The following PCNX1 variants were observed in gnomAD, a reference collection of about 807,000 sequenced individuals.
PCNX1 encodes pecanex 1.
A neutral mutation model predicts 242.2 loss-of-function variants in PCNX1; 78 were observed. The ratio of observed to expected loss-of-function variants is 0.32; its 90% CI spans 0.27 to 0.39. The LOEUF is 0.39. PCNX1 is among the 10% of genes least tolerant of loss of function. The pLI is 1.00. For synonymous variants in PCNX1, 1,024 were observed against 1,032.9 expected (o/e 0.99, Z 0.17); for missense variants, 2,581 against 2,856.5 (o/e 0.90, Z 2.20).
intron 1 of PCNX1, among the ~76,000 whole-genome samples, chr14:70,935,284 T>C (rs561787978): frequency 6.6e-6 from 1 of 152,342 alleles, no homozygotes; most frequent in East Asian, 1.9e-4. Flanking sequence ...CAGTGTCTCA[T>C]GCCTGTAATC....
chr14:71,071,365 T>C (rs1174986406), intron 26 of PCNX1, among the ~76,000 whole-genome samples: 1 of 152,202 alleles, frequency 6.6e-6, no homozygotes, highest in African/African-American at 2.4e-5. Flanking sequence ...GGCCTAACTT[T>C]TGGCCCATCC....
At chr14:70,980,501 G>C (rs927133122) in intron 6 of PCNX1, among the ~76,000 whole-genome samples, 3 of 152,028 alleles carry the variant, frequency 2.0e-5, no homozygotes, top group Admixed American at 1.3e-4. Context: ...CATTGCACAG[G>C]CTTTTTTAAT....
At chr14:71,057,202 T>C (rs1032692782) in intron 25 of PCNX1, among the ~76,000 whole-genome samples, 2 of 152,232 alleles carry the variant, frequency 1.3e-5, no homozygotes, top group Non-Finnish European at 2.9e-5. Context: ...TTATAAAGCA[T>C]ATTTTATTGA....
At chr14:71,056,315 A>G (rs999122988) in intron 25 of PCNX1, among the ~76,000 whole-genome samples, 3 of 152,208 alleles carry the variant, frequency 2.0e-5, no homozygotes, top group Admixed American at 6.5e-5. Context: ...CATCGTCATC[A>G]TGTTCTGGTA....
Position 71,036,113 on chromosome 14 carries a change from C to T in PCNX1, c.3823C>T (p.Leu1275=). ...GGTAGTATGCATTGTAATTGGTGTG[C>T]TGTATTTTGCTATTCATGTAAGCAC... ...DLVVCIVIGV[L]YFAIHVSTVF... The change falls in exon 19 of 36, where the codon CTG becomes TTG. Residue 1275 remains leucine, a synonymous_variant. Transcript: ENST00000304743. 1.2e-6 allele frequency: 2 copies of T among 1,608,460 alleles called. No individual in the cohort carries two copies. Among genetic ancestry groups the T allele is most frequent in the East Asian group, 2.2e-5 (1 of 44,840 alleles).
rs149272790 is a variant in PCNX1 at position 71,074,448 on chromosome 14, C to T, written c.5106+650C>T. On this transcript the variant is annotated intron_variant, in intron 27 of 35. Transcript: ENST00000304743. ...CACTCATGTTACTACAGTAGAAGGA[C>T]ACAGATTAAAATCAGCCAAAGGAAG... is the stretch of plus-strand genomic sequence containing the variant. Among the ~76,000 whole-genome samples the T allele has an allele frequency of 8.9e-3, 1,356 of 152,292 alleles. 9 individuals carry two copies. Among genetic ancestry groups the T allele is most frequent in the South Asian group, 0.017 (81 of 4,822 alleles).
chr14:71,096,448 G>A (rs1299094361), intron 30 of PCNX1, among the ~76,000 whole-genome samples: 3 of 152,182 alleles, frequency 2.0e-5, no homozygotes, highest in Non-Finnish European at 4.4e-5. Flanking sequence ...TCCAGCTTGG[G>A]TGACAAAGTG....
intron 1 of PCNX1, among the ~76,000 whole-genome samples, chr14:70,910,229 T>TTCTCCTCCTTCTC (rs2055833620): frequency 1.4e-5 from 1 of 69,488 alleles, no homozygotes; most frequent in African/African-American, 5.3e-5. Flanking sequence ...CTCCTCCTCC[T>TTCTCCTCCTTCTC]CTCACCAGCA....
chr14:71,096,743 A>G (rs746104319), intron 30 of PCNX1, among the ~76,000 whole-genome samples: 24 of 152,212 alleles, frequency 1.6e-4, no homozygotes, highest in Non-Finnish European at 3.5e-4. Flanking sequence ...TCTTAGATCA[A>G]GTGGTCTAGA....
intron 18 of PCNX1, among the ~76,000 whole-genome samples, chr14:71,035,576 A>G (rs1384564053): frequency 6.6e-6 from 1 of 151,104 alleles, no homozygotes; most frequent in Non-Finnish European, 1.5e-5. Flanking sequence ...CCTGGCCAAC[A>G]TGGTGAAACC....
At chr14:70,914,917 A>T (rs2056088113) in intron 1 of PCNX1, among the ~76,000 whole-genome samples, 1 of 152,054 alleles carries the variant, frequency 6.6e-6, no homozygotes, top group East Asian at 1.9e-4. Flanking sequence ...GTCACTCCAG[A>T]TAGTTTCTGC....
In PCNX1 at chr14:70,978,289, A is replaced by G. The variant is rs1323606408; in HGVS notation, c.1952A>G (p.Glu651Gly). The G allele has an allele frequency of 1.2e-6, 2 of 1,614,104 alleles. No homozygotes were observed. The highest frequency in any genetic ancestry group is 3.3e-5 in the Admixed American group (2 of 60,010). The change falls in exon 6 of 36, where the codon GAA (glutamate) becomes GGA (glycine). Residue 651 changes from glutamate (E) to glycine (G), a missense_variant. Coordinates refer to ENST00000304743, the MANE Select transcript of PCNX1 (RefSeq NM_014982.3). ...CTAAAGACCAAACACACTCATAAAG[A>G]AAGGGGCACAGACTCTGAACACACA... ...SALKTKHTHK[E>G]RGTDSEHTHK...
At chr14:71,045,332 C>A in intron 20 of PCNX1, 49 bp downstream of exon 20, 1 of 1,340,146 alleles carries the variant, frequency 7.5e-7, no homozygotes, top group Non-Finnish European at 1.0e-6. Flanking sequence ...GAGTTTTTCC[C>A]TTTGCTATAT....
At chr14:71,094,200 A>T (rs553196792) in intron 30 of PCNX1, among the ~76,000 whole-genome samples, 3 of 152,398 alleles carry the variant, frequency 2.0e-5, no homozygotes, top group African/African-American at 7.2e-5. Flanking sequence ...ACAGGCATAC[A>T]AATTATGGTA....
At chr14:71,009,215 TCA>T (rs1358929741) in intron 8 of PCNX1, among the ~76,000 whole-genome samples, 1 of 152,216 alleles carries the variant, frequency 6.6e-6, no homozygotes. Flanking sequence ...CAGAATGCAG[TCA>T]CATGATTTTG....
At chr14:70,983,089 T>A (rs1397325450) in intron 6 of PCNX1, among the ~76,000 whole-genome samples, 2 of 152,220 alleles carry the variant, frequency 1.3e-5, no homozygotes, top group Non-Finnish European at 2.9e-5. Context: ...CATGTGTTCA[T>A]CACTACTGAC....
chr14:70,973,101 A>G (rs1319222900), intron 5 of PCNX1, among the ~76,000 whole-genome samples: 1 of 151,960 alleles, frequency 6.6e-6, no homozygotes, highest in Non-Finnish European at 1.5e-5. Context: ...AAAAATACAA[A>G]AAATTACCTG....
At chr14:70,922,534 G>T (rs774587057) in intron 1 of PCNX1, among the ~76,000 whole-genome samples, 1 of 151,962 alleles carries the variant, frequency 6.6e-6, no homozygotes, top group Admixed American at 6.6e-5. Context: ...TATCATCCAC[G>T]CTACCAGTTC....
At chr14:70,975,480 A>G (rs1272254359) in intron 5 of PCNX1, among the ~76,000 whole-genome samples, 1 of 152,146 alleles carries the variant, frequency 6.6e-6, no homozygotes, top group Non-Finnish European at 1.5e-5. Context: ...CTACATTTAG[A>G]TTTTTAAAGA....
Sources: allele counts gnomAD v4.1 joint callset (sites outside exome capture counted in the v4.1 genomes callset), GRCh38; gene constraint gnomAD v4.1.1; transcripts MANE v1.5; gene names NCBI Gene and HGNC (gene_info 2026-07-23, HGNC 2026-07-21).